Variants in MEIS2 observed in about 807,000 individuals in gnomAD.
MEIS2 encodes the protein Meis homeobox 2.
MEIS2 carries 9 observed loss-of-function variants against 58.6 expected under a neutral mutation model. The ratio of observed to expected loss-of-function variants is 0.15; its 90% CI spans 0.09 to 0.27. MEIS2 has a LOEUF of 0.27. MEIS2 is among the 10% of genes least tolerant of loss of function. The probability of loss-of-function intolerance (pLI) is 1.00; values close to 1 mark genes in which losing one functional copy is unlikely to be tolerated. For synonymous variants in MEIS2, 221 were observed against 228.4 expected (o/e 0.97, Z 0.29); for missense variants, 427 against 635.0 (o/e 0.67, Z 3.52).
At chr15:36,942,398 G>A (rs1567084087) in intron 9 of MEIS2, among the ~76,000 whole-genome samples, 1 of 152,074 alleles carries the variant, frequency 6.6e-6, no homozygotes, top group Non-Finnish European at 1.5e-5. Context: ...GAGAATAGAG[G>A]GAACAATTCT....
At chr15:36,996,507 G>A (rs990652464) in intron 8 of MEIS2, among the ~76,000 whole-genome samples, 2 of 152,176 alleles carry the variant, frequency 1.3e-5, no homozygotes, top group Non-Finnish European at 2.9e-5. Flanking sequence ...TTCTGCTGCT[G>A]TATATTGTTG....
intron 8 of MEIS2, among the ~76,000 whole-genome samples, chr15:36,953,625 C>G (rs1016072175): frequency 6.6e-6 from 1 of 152,064 alleles, no homozygotes; most frequent in Admixed American, 6.6e-5. Context: ...TTTCACATCT[C>G]GAAAGAATTC....
At position 36,892,171 on chromosome 15, in the gene MEIS2, T is replaced by C. The variant is rs1208869954; in HGVS notation, c.*2A>G. On this transcript the variant is annotated 3_prime_UTR_variant, in exon 12 of 12. Transcript: ENST00000561208. ...TTTCCTTTTCCCTTGAGTTCCCTTA[T>C]ACTATTGGGCATGAATGTCCATAAC... 12 of 1,613,996 alleles carry C rather than the reference T, an allele frequency of 7.4e-6. No individual in the cohort carries two copies. Among genetic ancestry groups the C allele is most frequent in the African/African-American group, 4.0e-5 (3 of 74,948 alleles).
chr15:36,986,776 T>C (rs1372416924), intron 8 of MEIS2, among the ~76,000 whole-genome samples: 2 of 152,214 alleles, frequency 1.3e-5, no homozygotes, highest in Non-Finnish European at 2.9e-5. Flanking sequence ...AAAAGCGTTA[T>C]CTTGTTTCCA....
chr15:36,930,543 T>C (rs1018996280), intron 9 of MEIS2, among the ~76,000 whole-genome samples: 4 of 152,176 alleles, frequency 2.6e-5, no homozygotes, highest in Non-Finnish European at 1.5e-5. Context: ...CTCATTCCCA[T>C]GTCCTCGGCG....
chr15:37,091,155 G>A (rs965922266), intron 6 of MEIS2, among the ~76,000 whole-genome samples: 2 of 152,172 alleles, frequency 1.3e-5, no homozygotes, highest in African/African-American at 4.8e-5. Context: ...TGTTTGGCTA[G>A]GGGGTTGAAG....
In MEIS2 at chr15:36,942,320, G is replaced by A. The variant is rs543028919; in HGVS notation, c.977+8004C>T. On this transcript the variant is annotated intron_variant, in intron 9 of 11. Coordinates refer to ENST00000561208, the MANE Select transcript of MEIS2 (RefSeq NM_170675.5). ...GAAAGCAATATTTTTTACAAAGTAA[G>A]GCTCTATGTATTTTTCTACCCAGGT... Among the ~76,000 whole-genome samples the A allele has an allele frequency of 1.3e-5, 2 of 152,224 alleles. 1 individual carries two copies. The highest frequency in any genetic ancestry group is 1.3e-4 in the Admixed American group (2 of 15,278).
At chr15:36,995,938 CCATTT>C (rs2060478111) in intron 8 of MEIS2, among the ~76,000 whole-genome samples, 2 of 134,766 alleles carry the variant, frequency 1.5e-5, no homozygotes, top group Non-Finnish European at 3.1e-5. Flanking sequence ...GGCTAGTTAA[CCATTT>C]CCTCTAGTCT....
chr15:37,089,779 G>A (rs1036166097), intron 6 of MEIS2, among the ~76,000 whole-genome samples: 1 of 151,906 alleles, frequency 6.6e-6, no homozygotes, highest in Non-Finnish European at 1.5e-5. Flanking sequence ...TATACTTCAA[G>A]CAAGTAGATT....
intron 8 of MEIS2, among the ~76,000 whole-genome samples, chr15:36,996,001 A>ATATATATATATATGTGTG (rs1555446465): frequency 9.7e-6 from 1 of 102,882 alleles, no homozygotes; most frequent in African/African-American, 3.3e-5. Context: ...ATATATATAT[A>ATATATATATATATGTGTG]TGTATATATA....
chr15:36,909,307 C>G (rs1454345590), intron 9 of MEIS2, among the ~76,000 whole-genome samples: 1 of 152,052 alleles, frequency 6.6e-6, no homozygotes, highest in African/African-American at 2.4e-5. Context: ...TACTAGATAG[C>G]CTTAGAGAGC....
chr15:36,898,477 T>C (rs1440168638), intron 9 of MEIS2: 1 of 152,228 alleles, frequency 6.6e-6, no homozygotes, highest in South Asian at 2.1e-4. Flanking sequence ...CTACTAATCC[T>C]GGTTTTTGTG....
chr15:36,978,217 A>G (rs2059820408), intron 8 of MEIS2, among the ~76,000 whole-genome samples: 1 of 152,232 alleles, frequency 6.6e-6, no homozygotes, highest in African/African-American at 2.4e-5. Flanking sequence ...TACAACAACA[A>G]CAATAACAAT....
intron 6 of MEIS2, among the ~76,000 whole-genome samples, chr15:37,085,770 T>G (rs944158065): frequency 2.6e-5 from 4 of 152,164 alleles, no homozygotes; most frequent in Admixed American, 6.5e-5. Context: ...TTCTGCTGCC[T>G]GTAGAAAGAC....
rs143573356 is a variant in MEIS2 at position 36,900,743 on chromosome 15, G to A, written c.978-4057C>T. Among the ~76,000 whole-genome samples, 366 of 152,222 alleles carry A rather than the reference G, an allele frequency of 2.4e-3. 1 individual carries two copies. Among genetic ancestry groups the A allele is most frequent in the Non-Finnish European group, 4.2e-3 (284 of 68,020 alleles). ...TAGCTTTGCATACTTTTCTACAACT[G>A]AACTCTGACCATCATGATTTTTCTT... On this transcript the variant is annotated intron_variant, in intron 9 of 11. Transcript: ENST00000561208.
At chr15:36,935,462 A>T (rs1052252416) in intron 9 of MEIS2, among the ~76,000 whole-genome samples, 1 of 152,050 alleles carries the variant, frequency 6.6e-6, no homozygotes, top group African/African-American at 2.4e-5. Flanking sequence ...AAAACATCTC[A>T]ATTCAGTGTC....
chr15:37,007,365 T>G (rs1179599106), intron 8 of MEIS2, among the ~76,000 whole-genome samples: 1 of 151,952 alleles, frequency 6.6e-6, no homozygotes, highest in Non-Finnish European at 1.5e-5. Flanking sequence ...CCCATCTCAA[T>G]AAATAAATAA....
intron 7 of MEIS2, among the ~76,000 whole-genome samples, chr15:37,052,802 C>T (rs190152186): frequency 6.6e-6 from 1 of 152,250 alleles, no homozygotes; most frequent in African/African-American, 2.4e-5. Context: ...TATCTTCTTC[C>T]TTATTCTTCC....
intron 8 of MEIS2, among the ~76,000 whole-genome samples, chr15:37,006,732 A>G (rs2060937067): frequency 6.6e-6 from 1 of 152,240 alleles, no homozygotes; most frequent in Non-Finnish European, 1.5e-5. Flanking sequence ...TTGCTTCTTC[A>G]TGGATAAGCC....
Sources: gnomAD v4.1 joint callset for allele counts (sites outside exome capture counted in the v4.1 genomes callset) on GRCh38, gnomAD v4.1.1 for gene constraint, MANE v1.5 for transcripts, NCBI Gene and HGNC (gene_info 2026-07-23, HGNC 2026-07-21) for gene names.